Variants in CDK17 observed in about 807,000 individuals in gnomAD.
The protein encoded by CDK17 is cyclin dependent kinase 17, also known as cyclin-dependent kinase 17.
CDK17 carries 24 observed loss-of-function variants against 77.6 expected under a neutral mutation model. That is an observed-to-expected ratio of 0.31 (90% CI 0.22 to 0.44). The LOEUF (loss-of-function observed/expected upper bound fraction) is 0.44. Among genes scored for constraint, CDK17 ranks in the 20% least tolerant of loss-of-function variants. The pLI, the probability that CDK17 is intolerant of heterozygous loss-of-function variation, is 1.00. For missense variants in CDK17, 429 were observed against 622.5 expected (o/e 0.69, Z 3.31); for synonymous variants, 203 against 210.4 (o/e 0.96, Z 0.30).
chr12:96,335,980 T>C (rs964142683), intron 1 of CDK17, among the ~76,000 whole-genome samples: 1 of 152,316 alleles, frequency 6.6e-6, no homozygotes, highest in Non-Finnish European at 1.5e-5. Context: ...ATATCTATTT[T>C]ATAGCTGTAA....
intron 1 of CDK17, among the ~76,000 whole-genome samples, chr12:96,369,803 T>G (rs998458028): frequency 2.3e-4 from 35 of 151,790 alleles, no homozygotes; most frequent in African/African-American, 7.7e-4. Context: ...AAAATAGGTC[T>G]GGCGCGGTGG....
intron 1 of CDK17, among the ~76,000 whole-genome samples, chr12:96,335,522 A>G (rs1953029915): frequency 6.6e-6 from 1 of 152,226 alleles, no homozygotes; most frequent in South Asian, 2.1e-4. Context: ...TGTCTTCCTA[A>G]TTCTGAAAGG....
At chr12:96,303,415 C>A (rs1264943143) in intron 5 of CDK17, 4 of 152,120 alleles carry the variant, frequency 2.6e-5, no homozygotes, top group Non-Finnish European at 5.9e-5. Context: ...CAACTATAAT[C>A]ACAAGTTGTC....
chr12:96,328,962 AT>A (rs1407877633), intron 2 of CDK17, among the ~76,000 whole-genome samples: 1 of 152,210 alleles, frequency 6.6e-6, no homozygotes, highest in Non-Finnish European at 1.5e-5. Flanking sequence ...TAGCTGGCCA[AT>A]TCAATAAGAT....
intron 4 of CDK17, among the ~76,000 whole-genome samples, chr12:96,312,097 T>C (rs1293308744): frequency 6.6e-6 from 1 of 152,000 alleles, no homozygotes; most frequent in East Asian, 1.9e-4. Context: ...GCCAATATGG[T>C]GAAACCCTGT....
chr12:96,320,577 C>T (rs1163611007), intron 3 of CDK17, among the ~76,000 whole-genome samples: 1 of 149,888 alleles, frequency 6.7e-6, no homozygotes, highest in African/African-American at 2.4e-5. Context: ...GCTACAGTAA[C>T]CAAAACAGCA....
chr12:96,332,839 A>G (rs1952991225), intron 2 of CDK17, among the ~76,000 whole-genome samples: 1 of 152,218 alleles, frequency 6.6e-6, no homozygotes. Flanking sequence ...GAGAAAACAA[A>G]TATTTTTAAT....
intron 3 of CDK17, among the ~76,000 whole-genome samples, chr12:96,316,384 C>T (rs1306866424): frequency 2.0e-5 from 3 of 149,970 alleles, no homozygotes; most frequent in Non-Finnish European, 3.0e-5. Context: ...GGGGGAGGGG[C>T]GCCCGCCATT....
chr12:96,318,585 T>C (rs1204926190), intron 3 of CDK17, among the ~76,000 whole-genome samples: 6 of 147,388 alleles, frequency 4.1e-5, no homozygotes, highest in Non-Finnish European at 9.0e-5. Flanking sequence ...AGAACAGAAA[T>C]TTTAACAAAC....
At chr12:96,392,524 T>C (rs1185753945) in intron 1 of CDK17, among the ~76,000 whole-genome samples, 1 of 152,182 alleles carries the variant, frequency 6.6e-6, no homozygotes. Context: ...ATTTAAAAGA[T>C]ATTTAGGAAT....
intron 5 of CDK17, among the ~76,000 whole-genome samples, chr12:96,307,531 C>T (rs531842136): frequency 2.0e-5 from 3 of 152,094 alleles, no homozygotes; most frequent in Non-Finnish European, 2.9e-5. Flanking sequence ...AACTGATAGC[C>T]GAAGAAAACT....
chr12:96,298,329 A>G (rs1258218232), intron 7 of CDK17, among the ~76,000 whole-genome samples: 1 of 151,936 alleles, frequency 6.6e-6, no homozygotes, highest in Non-Finnish European at 1.5e-5. Context: ...TTTCTTTTAT[A>G]CTACTGGGTT....
chr12:96,363,205 C>T (rs1395730840), intron 1 of CDK17, among the ~76,000 whole-genome samples: 1 of 152,062 alleles, frequency 6.6e-6, no homozygotes, highest in African/African-American at 2.4e-5. Context: ...AATCCCAGCA[C>T]TTTGGGAGGC....
At chr12:96,322,502 A>C (rs1381471474) in intron 3 of CDK17, among the ~76,000 whole-genome samples, 1 of 152,026 alleles carries the variant, frequency 6.6e-6, no homozygotes, top group African/African-American at 2.4e-5. Context: ...ACAAAAAAAA[A>C]AAAAACAAAC....
chr12:96,343,616 C>A (rs1953156062), intron 1 of CDK17, among the ~76,000 whole-genome samples: 1 of 152,196 alleles, frequency 6.6e-6, no homozygotes, highest in Non-Finnish European at 1.5e-5. Context: ...AGGTCACTGA[C>A]TTACTACAGA....
At chr12:96,388,365 T>C (rs982879740) in intron 1 of CDK17, among the ~76,000 whole-genome samples, 1 of 150,712 alleles carries the variant, frequency 6.6e-6, no homozygotes, top group South Asian at 2.1e-4. Context: ...TCTTAGACTA[T>C]TTAGTCTACT....
At chr12:96,337,808 G>C (rs1224067942) in intron 1 of CDK17, among the ~76,000 whole-genome samples, 1 of 152,066 alleles carries the variant, frequency 6.6e-6, no homozygotes, top group Non-Finnish European at 1.5e-5. Flanking sequence ...ATCTTCCTTT[G>C]TTAGGCTCCC....
rs567077513 is a variant in CDK17, at chr12:96,343,377, C to T, written c.-29-8512G>A. On this transcript the variant is annotated intron_variant, in intron 1 of 16. Coordinates refer to ENST00000261211, the MANE Select transcript of CDK17 (RefSeq NM_002595.5). ...GGAATAGCAGCCCCCATCTCTGGAG[C>T]GACTTATTAGTGCCATAGCAGGCAG... Among the ~76,000 whole-genome samples the T allele has an allele frequency of 7.2e-5, 11 of 152,254 alleles. No individual in the cohort carries two copies. The East Asian group carries it at 1.5e-3, about 21-fold the overall frequency.
intron 1 of CDK17, among the ~76,000 whole-genome samples, chr12:96,395,527 T>G (rs1267400595): frequency 6.6e-6 from 1 of 152,228 alleles, no homozygotes; most frequent in East Asian, 1.9e-4. Context: ...TATGAAGCGC[T>G]TATTGTGAGG....
Sources: allele counts gnomAD v4.1 joint callset (sites outside exome capture counted in the v4.1 genomes callset), GRCh38; gene constraint gnomAD v4.1.1; transcripts MANE v1.5; gene names NCBI Gene and HGNC (gene_info 2026-07-23, HGNC 2026-07-21).